Variants in CNTNAP2 observed in about 807,000 individuals in gnomAD.
CNTNAP2 encodes contactin associated protein 2, also known as contactin-associated protein-like 2.
Under a neutral mutation model 155.2 loss-of-function variants are expected in CNTNAP2, and 98 were observed. The ratio of observed to expected loss-of-function variants is 0.63; its 90% CI spans 0.54 to 0.75. The LOEUF (loss-of-function observed/expected upper bound fraction) is 0.75, where lower values mean the gene tolerates loss of function less well. Among genes scored for constraint, CNTNAP2 ranks in the 30% least tolerant of loss-of-function variants. The pLI, the probability that CNTNAP2 is intolerant of heterozygous loss-of-function variation, is 0.00. For missense variants in CNTNAP2, 1,727 were observed against 1,688.1 expected, an observed-to-expected ratio of 1.02 and a Z score of -0.40; for synonymous variants, 651 against 631.2, an observed-to-expected ratio of 1.03 and a Z score of -0.47.
At chr7:148,001,158 G>T (rs1327147813) in intron 15 of CNTNAP2, among the ~76,000 whole-genome samples, 1 of 152,144 alleles carries the variant, frequency 6.6e-6, no homozygotes. Context: ...TGAGGTTCTG[G>T]GTGGACATGA....
At chr7:147,763,686 A>G (rs1194253103) in intron 13 of CNTNAP2, among the ~76,000 whole-genome samples, 1 of 152,210 alleles carries the variant, frequency 6.6e-6, no homozygotes, top group East Asian at 1.9e-4. Flanking sequence ...TATAAGGGCA[A>G]GCCAAGCCCT....
At chr7:147,735,407 T>C (rs1034413001) in intron 13 of CNTNAP2, among the ~76,000 whole-genome samples, 7 of 152,208 alleles carry the variant, frequency 4.6e-5, no homozygotes, top group African/African-American at 7.2e-5. Flanking sequence ...TAATTTCTGT[T>C]CTTTTACATT....
intron 4 of CNTNAP2, among the ~76,000 whole-genome samples, chr7:147,070,840 A>G (rs1404339993): frequency 2.0e-5 from 3 of 146,794 alleles, no homozygotes; most frequent in Non-Finnish European, 2.9e-5. Flanking sequence ...AAGGCTTCTC[A>G]TTTACGATGG....
intron 1 of CNTNAP2, among the ~76,000 whole-genome samples, chr7:146,464,401 T>C (rs1001370452): frequency 6.6e-6 from 1 of 152,096 alleles, no homozygotes; most frequent in African/African-American, 2.4e-5. Context: ...TTGAATATAT[T>C]GTCCTAAAAT....
In CNTNAP2 at chr7:147,726,606, G is replaced by A. The variant is rs184359893; in HGVS notation, c.2098+87300G>A. On this transcript the variant is annotated intron_variant, in intron 13 of 23. Coordinates refer to ENST00000361727, the MANE Select transcript of CNTNAP2 (RefSeq NM_014141.6). ...GCAAGGGTCCGAGAAGGTTGAGAAC[G>A]TCTTTGTCCTGGGTCAGGTCACAAT... Among the ~76,000 whole-genome samples, 393 of 152,108 alleles carry A rather than the reference G, an allele frequency of 2.6e-3. 1 individual carries two copies. The highest frequency in any genetic ancestry group is 9.1e-3 in the African/African-American group (378 of 41,532).
Position 146,483,285 on chromosome 7 carries a change from ATATATATATATATATATATATAT to A in CNTNAP2, c.98-290985_98-290963del, listed in dbSNP as rs1796998050. Among the ~76,000 whole-genome samples, 97 of 47,220 alleles carry A rather than the reference ATATATATATATATATATATATAT, an allele frequency of 2.1e-3. 5 individuals are homozygous for A. The highest frequency in any genetic ancestry group is 3.9e-3 in the African/African-American group (34 of 8,792). The allele number at this position is 47,220 out of a possible 152,430, so 31.0% of individuals were successfully genotyped here. ...AGCAAGACTCCGTCTAAAAAAAAAT[ATATATATATATATATATATATAT>A]ATATATATATATATATATATACATA... On this transcript the variant is annotated intron_variant, in intron 1 of 23. Coordinates refer to ENST00000361727, the MANE Select transcript of CNTNAP2 (RefSeq NM_014141.6).
At chr7:147,095,386 A>G (rs1800509280) in intron 4 of CNTNAP2, among the ~76,000 whole-genome samples, 1 of 152,088 alleles carries the variant, frequency 6.6e-6, no homozygotes, top group South Asian at 2.1e-4. Context: ...GGACTTCACC[A>G]TCATAACCTA....
rs191915369 is a variant in CNTNAP2 at position 147,159,370 on chromosome 7, T to C, written c.1348+26861T>C. The stretch of plus-strand genomic sequence containing the variant: ...AATTTTTAAAAGATAATATGCATTA[T>C]TAACATATCTACACCTGAGATTAGA... On this transcript the variant is annotated intron_variant, in intron 8 of 23. Coordinates refer to ENST00000361727, the MANE Select transcript of CNTNAP2 (RefSeq NM_014141.6). 2.3e-3 allele frequency among the ~76,000 whole-genome samples: 343 copies of C among 151,902 alleles called. 5 individuals carry two copies. Among genetic ancestry groups the C allele is most frequent in the Admixed American group, 0.019 (296 of 15,234 alleles).
rs1563079238 is a variant in CNTNAP2 at position 147,108,265 on chromosome 7, A to G, written c.669A>G (p.Gly223=). ...ACTTTAAGACGTCTGAAAGTGAAGG[A>G]GTAATCCTGCACGGAGAAGGACAGC... ...ALNFKTSESE[G]VILHGEGQQG... is the part of the protein sequence containing the mutation. The change falls in exon 5 of 24, where the codon GGA becomes GGG. Residue 223 remains glycine, a synonymous_variant. Coordinates refer to ENST00000361727, the MANE Select transcript of CNTNAP2 (RefSeq NM_014141.6). 8.1e-6 allele frequency: 13 copies of G among 1,613,884 alleles called. No individual in the cohort carries two copies. Among genetic ancestry groups the G allele is most frequent in the Non-Finnish European group, 1.1e-5 (13 of 1,179,854 alleles).
At chr7:147,222,138 T>A (rs1803414895) in intron 8 of CNTNAP2, among the ~76,000 whole-genome samples, 1 of 152,214 alleles carries the variant, frequency 6.6e-6, no homozygotes, top group Non-Finnish European at 1.5e-5. Context: ...ATGTCAGACA[T>A]TAATTTGAGA....
At chr7:148,123,393 G>A (rs1292157529) in intron 16 of CNTNAP2, among the ~76,000 whole-genome samples, 1 of 152,076 alleles carries the variant, frequency 6.6e-6, no homozygotes, top group East Asian at 1.9e-4. Flanking sequence ...TTTAAGACCA[G>A]CCTGGGCAAC....
intron 1 of CNTNAP2, among the ~76,000 whole-genome samples, chr7:146,227,648 A>C (rs1051125488): frequency 1.3e-5 from 2 of 152,186 alleles, no homozygotes; most frequent in East Asian, 3.9e-4. Context: ...AAGTGTCAAT[A>C]AAAATAACCG....
In CNTNAP2 at chr7:147,902,812, GTA is replaced by G. The variant is rs1341226400; in HGVS notation, c.2099-751_2099-750del. ...TGTGTGTGTGTGTGTGTGTGTGTGTGTATGTGTGTGTGTGTGTGTGTGTGTGT... is the reference window on the plus strand; with the variant it reads ...TGTGTGTGTGTGTGTGTGTGTGTGTGTGTGTGTGTGTGTGTGTGTGTGTGT... On this transcript the variant is annotated intron_variant, in intron 13 of 23. Coordinates refer to ENST00000361727, the MANE Select transcript of CNTNAP2 (RefSeq NM_014141.6). Among the ~76,000 whole-genome samples, 730 of 127,228 alleles carry G rather than the reference GTA, an allele frequency of 5.7e-3. 1 individual carries two copies. The highest frequency in any genetic ancestry group is 0.036 in the East Asian group (136 of 3,828). 83.5% of individuals were successfully genotyped at this position (127,228 alleles called of 152,430 possible).
intron 11 of CNTNAP2, among the ~76,000 whole-genome samples, chr7:147,541,241 G>C (rs913789735): frequency 6.6e-6 from 1 of 152,144 alleles, no homozygotes; most frequent in Non-Finnish European, 1.5e-5. Flanking sequence ...CAGTGGCTAG[G>C]AACAGGGGCT....
intron 3 of CNTNAP2, among the ~76,000 whole-genome samples, chr7:146,853,332 C>G (rs1401562543): frequency 6.6e-6 from 1 of 152,034 alleles, no homozygotes; most frequent in East Asian, 1.9e-4. Context: ...TATGATTATT[C>G]AGGTATATTT....
At chr7:148,292,306 T>C (rs1335415037) in intron 21 of CNTNAP2, among the ~76,000 whole-genome samples, 1 of 152,182 alleles carries the variant, frequency 6.6e-6, no homozygotes, top group East Asian at 1.9e-4. Context: ...ATAAAACTAA[T>C]AGAGTTTTCA....
At chr7:146,687,414 G>A (rs1399159610) in intron 1 of CNTNAP2, among the ~76,000 whole-genome samples, 1 of 152,156 alleles carries the variant, frequency 6.6e-6, no homozygotes, top group African/African-American at 2.4e-5. Context: ...GGACAAAAAT[G>A]TCTTGCCAAA....
chr7:147,651,326 C>A (rs767921033), intron 13 of CNTNAP2, among the ~76,000 whole-genome samples: 1 of 152,200 alleles, frequency 6.6e-6, no homozygotes, highest in African/African-American at 2.4e-5. Context: ...GAATCAGGCC[C>A]ATCCAGATTA....
intron 8 of CNTNAP2, among the ~76,000 whole-genome samples, chr7:147,179,027 A>G (rs1022733969): frequency 6.6e-6 from 1 of 152,036 alleles, no homozygotes; most frequent in Non-Finnish European, 1.5e-5. Context: ...ACTCATCCCA[A>G]CTGCAGTGCT....
Sources: gnomAD v4.1 joint callset for allele counts (sites outside exome capture counted in the v4.1 genomes callset) on GRCh38, gnomAD v4.1.1 for gene constraint, MANE v1.5 for transcripts, NCBI Gene and HGNC (gene_info 2026-07-23, HGNC 2026-07-21) for gene names.